ANKIB1: variants seen among roughly 807,000 people sequenced by gnomAD.
ANKIB1 encodes the protein ankyrin repeat and IBR domain-containing protein 1.
A neutral mutation model predicts 122.1 loss-of-function variants in ANKIB1; 43 were observed. That is an observed-to-expected ratio of 0.35 (90% CI 0.28 to 0.45). The LOEUF is 0.45. ANKIB1 is among the 20% of genes least tolerant of loss of function. The probability of loss-of-function intolerance (pLI) is 1.00; values close to 1 mark genes in which losing one functional copy is unlikely to be tolerated. For missense variants in ANKIB1, 992 were observed against 1,329.5 expected (o/e 0.75, Z 3.95); for synonymous variants, 390 against 442.0 (o/e 0.88, Z 1.48).
intron 9 of ANKIB1, among the ~76,000 whole-genome samples, chr7:92,360,982 A>C (rs913524330): frequency 8.5e-5 from 13 of 152,062 alleles, no homozygotes; most frequent in African/African-American, 3.1e-4. Context: ...CTCCTACCTC[A>C]GCCTCCCAAG....
intron 4 of ANKIB1, 35 bp downstream of exon 4, chr7:92,319,547 CAT>C: frequency 6.4e-7 from 1 of 1,570,952 alleles, no homozygotes; most frequent in African/African-American, 1.4e-5. Flanking sequence ...AAAAAAATTA[CAT>C]GTAATTTTAG....
intron 12 of ANKIB1, among the ~76,000 whole-genome samples, chr7:92,387,004 A>G (rs1396980532): frequency 6.6e-6 from 1 of 152,174 alleles, no homozygotes; most frequent in Non-Finnish European, 1.5e-5. Context: ...GTGGCTTACC[A>G]GAAATTTATT....
At chr7:92,322,078 A>G (rs1299338820) in intron 4 of ANKIB1, among the ~76,000 whole-genome samples, 1 of 152,206 alleles carries the variant, frequency 6.6e-6, no homozygotes, top group Non-Finnish European at 1.5e-5. Flanking sequence ...TCCGTTTGCC[A>G]TATTGCCTCC....
chr7:92,396,622 A>C, intron 18 of ANKIB1, 146 bp downstream of exon 18: 1 of 597,478 alleles, frequency 1.7e-6, no homozygotes, highest in Non-Finnish European at 3.0e-6. Flanking sequence ...GGACACAGAA[A>C]ATCAGAGGAG....
In ANKIB1 at chr7:92,351,108, CCAATTAT is replaced by C; in HGVS notation, c.1230+16_1230+22del. The C allele has an allele frequency of 1.3e-6, 2 of 1,483,646 alleles. No homozygotes were observed. The highest frequency in any genetic ancestry group is 1.4e-5 in the South Asian group (1 of 70,932). The allele number at this position is 1,483,646 out of a possible 1,614,324, so 91.9% of individuals were successfully genotyped here. On this transcript the variant is annotated intron_variant, in intron 8 of 19. Transcript: ENST00000265742. Reference sequence around the variant, plus strand: ...TTTGATATTAAGGTAAGGTATACTGCCAATTATCTGTCCAATTTCCATAATTTTGATT... The same window carrying C: ...TTTGATATTAAGGTAAGGTATACTGCCTGTCCAATTTCCATAATTTTGATT...
intron 7 of ANKIB1, among the ~76,000 whole-genome samples, chr7:92,345,645 G>A (rs555413908): frequency 6.6e-6 from 1 of 152,188 alleles, no homozygotes; most frequent in Non-Finnish European, 1.5e-5. Flanking sequence ...CTCTCATGTT[G>A]CACTTTTCGA....
chr7:92,307,801 A>AG (rs1424572982), intron 3 of ANKIB1, 145 bp downstream of exon 3: 2 of 460,430 alleles, frequency 4.3e-6, no homozygotes, highest in Non-Finnish European at 7.0e-6. Flanking sequence ...TTTTAAATAA[A>AG]GGGCCTCTTT....
chr7:92,319,321 C>A lies in ANKIB1; in HGVS notation c.487-9C>A, dbSNP rs1331048425. 3.2e-6 allele frequency: 5 copies of A among 1,542,170 alleles called. No individual in the cohort carries two copies. The highest frequency in any genetic ancestry group is 2.5e-5 in the South Asian group (2 of 79,946). ...GTAGTTGCAAGTTTTTGAAAAAAAA[C>A]TTTTTTAGCTTTTAGTAAAACATGG... is the stretch of plus-strand genomic sequence containing the variant. On this transcript the variant is annotated splice_polypyrimidine_tract_variant and intron_variant, in intron 3 of 19. Transcript: ENST00000265742.
At chr7:92,380,167 G>A (rs1804479168) in intron 11 of ANKIB1, among the ~76,000 whole-genome samples, 1 of 152,210 alleles carries the variant, frequency 6.6e-6, no homozygotes, top group South Asian at 2.1e-4. Flanking sequence ...TAACTGCGAG[G>A]CGGCAAGCCA....
At chr7:92,362,752 T>G (rs1803981032) in intron 10 of ANKIB1, among the ~76,000 whole-genome samples, 2 of 152,360 alleles carry the variant, frequency 1.3e-5, no homozygotes, top group East Asian at 3.9e-4. Context: ...TCACTGAGAC[T>G]TCTGTAAATA....
rs535067601 is a variant in ANKIB1, at chr7:92,352,575, G to C, written c.1330G>C (p.Asp444His). ...TKQGSNTSGS[D>H]TLSFPLLRAP... ...ACAAGGGTCAAATACATCTGGATCT[G>C]ATACACTCAGCTTCCCATTGCTGAG... The change falls in exon 9 of 20, where the codon GAT becomes CAT. Residue 444 changes from aspartate to histidine, a missense_variant. Physicochemically the swap from Asp to His is moderately conservative, Grantham distance 81 (BLOSUM62 -1). Coordinates refer to ENST00000265742, the MANE Select transcript of ANKIB1 (RefSeq NM_019004.2). 3.0e-5 allele frequency: 49 copies of C among 1,613,426 alleles called. No individual in the cohort carries two copies. The East Asian group carries it at 1.1e-3, about 36-fold the overall frequency.
intron 1 of ANKIB1, among the ~76,000 whole-genome samples, chr7:92,289,160 CAGTGGA>C (rs1802197264): frequency 6.6e-6 from 1 of 152,168 alleles, no homozygotes; most frequent in Admixed American, 6.5e-5. Flanking sequence ...TATACCCATA[CAGTGGA>C]ATACTATTCA....
chr7:92,382,612 A>C (rs189825253), intron 11 of ANKIB1, among the ~76,000 whole-genome samples: 37 of 152,372 alleles, frequency 2.4e-4, no homozygotes, highest in African/African-American at 8.7e-4. Context: ...ACTACATGGA[A>C]ACTGAACAAC....
At chr7:92,278,558 T>C (rs1306576815) in intron 1 of ANKIB1, among the ~76,000 whole-genome samples, 1 of 152,182 alleles carries the variant, frequency 6.6e-6, no homozygotes, top group Non-Finnish European at 1.5e-5. Context: ...AACTTTATAG[T>C]TTTCCAGCTA....
chr7:92,341,137 T>G lies in ANKIB1; in HGVS notation c.788-1887T>G, dbSNP rs538013382. The stretch of plus-strand genomic sequence containing the variant: ...CTGGGCAACATGGTGAAACCCTGTC[T>G]CTACTAAAAAATATGTATAAAACTT... On this transcript the variant is annotated intron_variant, in intron 5 of 19. Coordinates refer to ENST00000265742, the MANE Select transcript of ANKIB1 (RefSeq NM_019004.2). 2.0e-5 allele frequency among the ~76,000 whole-genome samples: 3 copies of G among 152,116 alleles called. No homozygotes were observed. In the East Asian group the frequency reaches 5.8e-4, roughly 29 times the overall value.
At chr7:92,360,711 G>A (rs1803923289) in intron 9 of ANKIB1, among the ~76,000 whole-genome samples, 1 of 152,022 alleles carries the variant, frequency 6.6e-6, no homozygotes, top group African/African-American at 2.4e-5. Flanking sequence ...AGTGCACAAG[G>A]GTTCCCATCT....
At position 92,388,088 on chromosome 7, in the gene ANKIB1, C is replaced by T. The variant is rs1365074247; in HGVS notation, c.1906+47C>T. ...TGATAATTAATATAAAATATCTTTCCATGCTTGTCATTTCACTAGTAGGTT... is the reference window on the plus strand; with the variant it reads ...TGATAATTAATATAAAATATCTTTCTATGCTTGTCATTTCACTAGTAGGTT... On this transcript the variant is annotated intron_variant, in intron 14 of 19. Coordinates refer to ENST00000265742, the MANE Select transcript of ANKIB1 (RefSeq NM_019004.2). The T allele has an allele frequency of 2.7e-6, 4 of 1,479,978 alleles. No homozygotes were observed. The Admixed American group carries it at 5.9e-5, about 22-fold the overall frequency. 91.7% of individuals were successfully genotyped at this position (1,479,978 alleles called of 1,614,324 possible). A position where few individuals can be genotyped will look rare whatever the true frequency, so the allele number is the denominator to read the frequency against.
rs140819102 is a variant in ANKIB1 at position 92,368,923 on chromosome 7, T to C, written c.1487-2554T>C. On this transcript the variant is annotated intron_variant, in intron 10 of 19. Transcript: ENST00000265742. Reference sequence around the variant, plus strand: ...CCAAGGGTGGAAGAAAAAACTGTTATGTTGCAGGCCACACTGCTGCTTTGT... The same window carrying C: ...CCAAGGGTGGAAGAAAAAACTGTTACGTTGCAGGCCACACTGCTGCTTTGT... Among the ~76,000 whole-genome samples the C allele has an allele frequency of 5.7e-4, 87 of 152,344 alleles. 1 individual carries two copies. The highest frequency in any genetic ancestry group is 1.9e-4 in the Non-Finnish European group (13 of 68,034).
At chr7:92,362,041 C>T (rs1803960463) in intron 9 of ANKIB1, 144 bp from the exon 10 acceptor site, 1 of 602,456 alleles carries the variant, frequency 1.7e-6, no homozygotes, top group Admixed American at 2.7e-5. Flanking sequence ...GAACTCCTGA[C>T]CTCAGGTGAT....
Sources: gnomAD v4.1 joint callset for allele counts (sites outside exome capture counted in the v4.1 genomes callset) on GRCh38, gnomAD v4.1.1 for gene constraint, MANE v1.5 for transcripts, NCBI Gene and HGNC (gene_info 2026-07-23, HGNC 2026-07-21) for gene names.